The following EHBP1 variants were observed in gnomAD, a reference collection of about 807,000 sequenced individuals.
EHBP1 encodes EH domain binding protein 1.
In EHBP1, 55 loss-of-function variants were observed where a neutral mutation model predicts 144.0. The observed-to-expected ratio is 0.38, with a 90% CI of 0.31 to 0.48. The LOEUF is 0.48. EHBP1 is among the 20% of genes least tolerant of loss of function. The pLI, the probability that EHBP1 is intolerant of heterozygous loss-of-function variation, is 0.98. For missense variants in EHBP1, 1,200 were observed against 1,364.2 expected (o/e 0.88, Z 1.90); for synonymous variants, 469 against 472.7 (o/e 0.99, Z 0.10).
rs191090643 is a variant in EHBP1, at chr2:62,695,010, A to G, written c.-295-11887A>G. 2.8e-3 allele frequency among the ~76,000 whole-genome samples: 427 copies of G among 152,330 alleles called. 2 individuals are homozygous for G. Among genetic ancestry groups the G allele is most frequent in the African/African-American group, 9.4e-3 (390 of 41,576 alleles). On this transcript the variant is annotated intron_variant, in intron 1 of 22. Transcript: ENST00000405015. ...TGAGCCAGAATTAGAGGATATGAGG[A>G]AAACGCCCAGCAGAATCATGAAATT...
At chr2:63,040,286 C>T (rs369004565) in intron 21 of EHBP1, among the ~76,000 whole-genome samples, 3 of 151,960 alleles carry the variant, frequency 2.0e-5, no homozygotes, top group East Asian at 1.9e-4. Context: ...TACACTTTCA[C>T]GTATAAAAAG....
intron 1 of EHBP1, among the ~76,000 whole-genome samples, chr2:62,688,508 A>G (rs1182204339): frequency 2.0e-5 from 3 of 152,206 alleles, no homozygotes; most frequent in African/African-American, 7.2e-5. Context: ...CCTTCTATTT[A>G]AAACTACATG....
At chr2:62,849,364 A>G (rs554021740) in intron 7 of EHBP1, among the ~76,000 whole-genome samples, 1 of 152,162 alleles carries the variant, frequency 6.6e-6, no homozygotes, top group East Asian at 1.9e-4. Context: ...CCAAGATCAA[A>G]CGTGAGTAAA....
intron 11 of EHBP1, among the ~76,000 whole-genome samples, chr2:62,943,175 G>C (rs761520257): frequency 6.6e-6 from 1 of 152,058 alleles, no homozygotes; most frequent in Non-Finnish European, 1.5e-5. Flanking sequence ...TCAGGAGTTT[G>C]AGACCAGCCT....
chr2:62,912,788 C>T (rs1558902625), intron 10 of EHBP1, among the ~76,000 whole-genome samples: 1 of 152,068 alleles, frequency 6.6e-6, no homozygotes, highest in Non-Finnish European at 1.5e-5. Context: ...ATATAGACTT[C>T]GGAATCACAC....
intron 10 of EHBP1, among the ~76,000 whole-genome samples, chr2:62,941,137 A>G (rs2056733649): frequency 1.3e-5 from 2 of 152,154 alleles, no homozygotes; most frequent in African/African-American, 2.4e-5. Flanking sequence ...AAAGTCTAAG[A>G]AAAAAATGTT....
intron 5 of EHBP1, among the ~76,000 whole-genome samples, chr2:62,772,749 G>A (rs553331254): frequency 1.3e-5 from 2 of 152,312 alleles, no homozygotes; most frequent in Admixed American, 6.5e-5. Flanking sequence ...CGTGATAATT[G>A]TTAAAGTTCT....
intron 10 of EHBP1, among the ~76,000 whole-genome samples, chr2:62,903,782 A>G (rs537980329): frequency 9.9e-6 from 1 of 100,856 alleles, no homozygotes; most frequent in Non-Finnish European, 2.2e-5. Context: ...GGAGAAGGAG[A>G]AGGAGGAGAA....
At chr2:62,835,524 G>A (rs1006432565) in intron 7 of EHBP1, among the ~76,000 whole-genome samples, 2 of 152,198 alleles carry the variant, frequency 1.3e-5, no homozygotes, top group Non-Finnish European at 2.9e-5. Context: ...CCGGTCTACA[G>A]CTCCCAGCGT....
rs147621630 is a variant in EHBP1 at position 62,824,700 on chromosome 2, G to C, written c.313-1387G>C. Among the ~76,000 whole-genome samples the C allele has an allele frequency of 1.6e-4, 25 of 151,954 alleles. No homozygotes were observed. In the East Asian group the frequency reaches 4.1e-3, roughly 25 times the overall value. ...ACTAATAGTTCTGTATATTATTGCT[G>C]TGCATAATCTGACAGATAAGGCCAC... On this transcript the variant is annotated intron_variant, in intron 5 of 22. Coordinates refer to ENST00000431489, the MANE Select transcript of EHBP1 (RefSeq NM_001142616.3).
intron 6 of EHBP1, among the ~76,000 whole-genome samples, chr2:62,829,149 T>G (rs2046581216): frequency 6.6e-6 from 1 of 152,038 alleles, no homozygotes; most frequent in Non-Finnish European, 1.5e-5. Context: ...AAAGAATATT[T>G]TAGTCTTCCA....
At chr2:63,031,614 C>T (rs900727123) in intron 19 of EHBP1, among the ~76,000 whole-genome samples, 13 of 152,102 alleles carry the variant, frequency 8.5e-5, no homozygotes, top group Non-Finnish European at 1.5e-4. Flanking sequence ...GCATCATCAT[C>T]CATATGTAAT....
At chr2:62,777,865 G>A (rs1489578124) in intron 5 of EHBP1, among the ~76,000 whole-genome samples, 1 of 152,038 alleles carries the variant, frequency 6.6e-6, no homozygotes, top group Non-Finnish European at 1.5e-5. Context: ...AGGCAAAAAA[G>A]GCATTCTAAG....
chr2:62,766,519 T>C (rs754727797), intron 4 of EHBP1, among the ~76,000 whole-genome samples: 2 of 152,158 alleles, frequency 1.3e-5, no homozygotes, highest in Non-Finnish European at 2.9e-5. Flanking sequence ...GCCAAAAGCA[T>C]ACTTTATCGA....
At chr2:62,901,411 A>C (rs1348178063) in intron 10 of EHBP1, among the ~76,000 whole-genome samples, 1 of 152,206 alleles carries the variant, frequency 6.6e-6, no homozygotes, top group Admixed American at 6.5e-5. Context: ...TCTGTTCAAA[A>C]GAGTTTCAGG....
At chr2:62,859,534 G>A (rs1460761618) in intron 8 of EHBP1, among the ~76,000 whole-genome samples, 6 of 152,168 alleles carry the variant, frequency 3.9e-5, no homozygotes, top group Admixed American at 3.3e-4. Flanking sequence ...AGTCTCATTC[G>A]TTTGGTCTAC....
intron 2 of EHBP1, among the ~76,000 whole-genome samples, chr2:62,740,881 A>T (rs1374451732): frequency 6.6e-6 from 1 of 152,192 alleles, no homozygotes; most frequent in Non-Finnish European, 1.5e-5. Context: ...TGGTCTCAGC[A>T]CTTTGAAATG....
At chr2:62,996,873 C>A in intron 19 of EHBP1, 107 bp downstream of exon 19, 1 of 1,493,214 alleles carries the variant, frequency 6.7e-7, no homozygotes, top group South Asian at 1.3e-5. Context: ...TTCAGCAAAA[C>A]TGCCTTGAAA....
At chr2:62,976,846 C>CT (rs148106829) in intron 14 of EHBP1, among the ~76,000 whole-genome samples, 1,970 of 152,258 alleles carry the variant, frequency 0.013, 30 homozygotes, top group Non-Finnish European at 0.02. Flanking sequence ...TCCCTCCCTT[C>CT]TTATAGTTCC....
Sources: gnomAD v4.1 joint callset for allele counts (sites outside exome capture counted in the v4.1 genomes callset) on GRCh38, gnomAD v4.1.1 for gene constraint, MANE v1.5 for transcripts, NCBI Gene and HGNC (gene_info 2026-07-23, HGNC 2026-07-21) for gene names.